AK5: variants seen among roughly 807,000 people sequenced by gnomAD.
AK5 encodes adenylate kinase isoenzyme 5.
In AK5, 27 loss-of-function variants were observed where a neutral mutation model predicts 69.5. The observed-to-expected ratio is 0.39, with a 90% CI of 0.29 to 0.54. The LOEUF is 0.54. Ranked by LOEUF, AK5 falls within the 20% of genes least tolerant of loss-of-function variation. The pLI is 0.71. For missense variants in AK5, 531 were observed against 700.4 expected (o/e 0.76, Z 2.73); for synonymous variants, 260 against 244.4 (o/e 1.06, Z -0.60).
chr1:77,340,320 C>T (rs1661582115), intron 5 of AK5, 57 bp from the exon 6 acceptor site: 3 of 1,484,624 alleles, frequency 2.0e-6, no homozygotes, highest in Non-Finnish European at 1.9e-6. Flanking sequence ...TGCAGCTGCC[C>T]ACACATGCAT....
chr1:77,300,156 G>A (rs575090192), intron 5 of AK5, among the ~76,000 whole-genome samples: 121 of 152,184 alleles, frequency 8.0e-4, no homozygotes, highest in Non-Finnish European at 1.4e-3. Flanking sequence ...GATTCCCTCC[G>A]AAAAGCATAA....
intron 2 of AK5, among the ~76,000 whole-genome samples, chr1:77,288,285 G>A (rs189970956): frequency 6.6e-6 from 1 of 152,226 alleles, no homozygotes; most frequent in Admixed American, 6.5e-5. Flanking sequence ...ATGAATTTGA[G>A]ACGTATAATA....
chr1:77,435,799 C>G (rs1030581188), intron 8 of AK5, among the ~76,000 whole-genome samples: 2 of 152,142 alleles, frequency 1.3e-5, no homozygotes, highest in African/African-American at 4.8e-5. Context: ...AGTTTTATAT[C>G]TTAGTTGTAA....
intron 8 of AK5, among the ~76,000 whole-genome samples, chr1:77,450,882 A>G (rs2100656810): frequency 6.6e-6 from 1 of 152,340 alleles, no homozygotes; most frequent in East Asian, 1.9e-4. Context: ...TATTATTTAT[A>G]AAAGCAAAAC....
At chr1:77,360,853 C>T (rs1646850477) in intron 6 of AK5, among the ~76,000 whole-genome samples, 1 of 152,128 alleles carries the variant, frequency 6.6e-6, no homozygotes, top group Admixed American at 6.5e-5. Flanking sequence ...GGCCAGGGAT[C>T]AAACATGAAC....
chr1:77,339,642 A>AT (rs1457345725), intron 5 of AK5, among the ~76,000 whole-genome samples: 21 of 124,014 alleles, frequency 1.7e-4, no homozygotes, highest in South Asian at 5.6e-4. Context: ...ATTTAGCAAT[A>AT]TCTTTTTTTT....
intron 8 of AK5, among the ~76,000 whole-genome samples, chr1:77,444,288 GTGTATATATATAGTATATATACACAATA>G: frequency 3.2e-5 from 2 of 62,314 alleles, no homozygotes; most frequent in Non-Finnish European, 5.7e-5. Flanking sequence ...CACAACATAT[GTGTATATATATAGTATATATACACAATA>G]TATGTGTATA....
At chr1:77,526,178 A>AC (rs1363781314) in intron 12 of AK5, among the ~76,000 whole-genome samples, 1 of 152,122 alleles carries the variant, frequency 6.6e-6, no homozygotes, top group Non-Finnish European at 1.5e-5. Flanking sequence ...TTTTTCTTAC[A>AC]CCACCTTAGA....
chr1:77,300,169 C>G (rs1417825576), intron 5 of AK5, among the ~76,000 whole-genome samples: 3 of 152,128 alleles, frequency 2.0e-5, no homozygotes, highest in Non-Finnish European at 4.4e-5. Context: ...AAGCATAACC[C>G]TCTGGTAACT....
At chr1:77,347,617 T>G (rs1203541093) in intron 6 of AK5, among the ~76,000 whole-genome samples, 2 of 152,172 alleles carry the variant, frequency 1.3e-5, no homozygotes, top group Non-Finnish European at 2.9e-5. Context: ...TAAAATACCG[T>G]GATCACAATT....
intron 8 of AK5, among the ~76,000 whole-genome samples, chr1:77,476,524 T>A (rs375585487): frequency 6.6e-6 from 1 of 152,206 alleles, no homozygotes; most frequent in African/African-American, 2.4e-5. Flanking sequence ...AGCTCCACTT[T>A]TAGCAAATGA....
At chr1:77,558,037 TAA>T (rs766522250) in intron 13 of AK5, among the ~76,000 whole-genome samples, 8 of 152,148 alleles carry the variant, frequency 5.3e-5, no homozygotes, top group Non-Finnish European at 7.4e-5. Context: ...AATATATATT[TAA>T]GTTTAGTGCT....
intron 6 of AK5, among the ~76,000 whole-genome samples, chr1:77,343,720 G>A (rs1206599975): frequency 6.6e-6 from 1 of 152,148 alleles, no homozygotes; most frequent in Non-Finnish European, 1.5e-5. Flanking sequence ...TGGATGTCAA[G>A]AGCTTAAAAC....
intron 8 of AK5, among the ~76,000 whole-genome samples, chr1:77,477,031 C>CGTGT (rs1453835816): frequency 1.5e-5 from 1 of 68,912 alleles, no homozygotes; most frequent in Non-Finnish European, 3.3e-5. Flanking sequence ...TGTGTGTGTG[C>CGTGT]GTGTGTGTGT....
intron 10 of AK5, among the ~76,000 whole-genome samples, chr1:77,496,382 A>G (rs903650467): frequency 6.6e-6 from 1 of 152,224 alleles, no homozygotes; most frequent in Non-Finnish European, 1.5e-5. Flanking sequence ...GTGAGGTGCC[A>G]TGAAGGCTTT....
intron 6 of AK5, among the ~76,000 whole-genome samples, chr1:77,382,162 G>A (rs559221276): frequency 1.3e-4 from 20 of 150,178 alleles, no homozygotes; most frequent in South Asian, 4.2e-4. Context: ...CCTTTCAATC[G>A]TTTTCCCATA....
At chr1:77,387,346 A>G (rs1346580579) in intron 6 of AK5, among the ~76,000 whole-genome samples, 4 of 152,184 alleles carry the variant, frequency 2.6e-5, no homozygotes, top group African/African-American at 9.7e-5. Context: ...AAGATACAAA[A>G]ACTTAGGGAT....
chr1:77,358,583 A>G (rs1646793611), intron 6 of AK5, among the ~76,000 whole-genome samples: 1 of 152,194 alleles, frequency 6.6e-6, no homozygotes, highest in South Asian at 2.1e-4. Context: ...TAAAGCCAAA[A>G]CATGAAAACA....
chr1:77,357,750 A>G (rs1662609438), intron 6 of AK5, among the ~76,000 whole-genome samples: 1 of 152,206 alleles, frequency 6.6e-6, no homozygotes, highest in Non-Finnish European at 1.5e-5. Context: ...ACAGCTACTT[A>G]TTTTAATGAA....
Sources: allele counts gnomAD v4.1 joint callset (sites outside exome capture counted in the v4.1 genomes callset), GRCh38; gene constraint gnomAD v4.1.1; transcripts MANE v1.5; gene names NCBI Gene and HGNC (gene_info 2026-07-23, HGNC 2026-07-21).